The following MPPED2 variants were observed in gnomAD, a reference collection of about 807,000 sequenced individuals.
MPPED2 encodes metallophosphoesterase domain containing 2.
MPPED2 carries 5 observed loss-of-function variants against 33.0 expected under a neutral mutation model. The ratio of observed to expected loss-of-function variants is 0.15; its 90% CI spans 0.08 to 0.32. MPPED2 has a LOEUF of 0.32. Ranked by LOEUF, MPPED2 falls within the 10% of genes least tolerant of loss-of-function variation. The pLI is 1.00. For missense variants in MPPED2, 275 were observed against 372.1 expected (o/e 0.74, Z 2.15); for synonymous variants, 136 against 141.9 (o/e 0.96, Z 0.29).
intron 4 of MPPED2, among the ~76,000 whole-genome samples, chr11:30,454,439 T>A (rs937580874): frequency 1.3e-5 from 2 of 151,924 alleles, no homozygotes; most frequent in Non-Finnish European, 2.9e-5. Flanking sequence ...TTTGTATGTG[T>A]GGGGGTGGAA....
At chr11:30,511,434 G>C (rs1207812761) in intron 3 of MPPED2, among the ~76,000 whole-genome samples, 1 of 152,202 alleles carries the variant, frequency 6.6e-6, no homozygotes, top group Non-Finnish European at 1.5e-5. Flanking sequence ...CTATGAAAGA[G>C]AGTAACAGAG....
chr11:30,488,463 C>G (rs575205137), intron 4 of MPPED2, among the ~76,000 whole-genome samples: 1 of 152,144 alleles, frequency 6.6e-6, no homozygotes, highest in Non-Finnish European at 1.5e-5. Flanking sequence ...GATAAAGGCA[C>G]CCGGCAGGCT....
intron 4 of MPPED2, among the ~76,000 whole-genome samples, chr11:30,471,112 C>T (rs891478139): frequency 8.5e-5 from 13 of 152,130 alleles, no homozygotes; most frequent in Middle Eastern, 3.2e-3. Context: ...TTCTCCCTTG[C>T]CCTCAGCCCA....
chr11:30,582,238 G>A (rs543427205), intron 1 of MPPED2, among the ~76,000 whole-genome samples: 1 of 152,086 alleles, frequency 6.6e-6, no homozygotes, highest in East Asian at 1.9e-4. Context: ...CTGCATAATT[G>A]CGTCGCGCTG....
chr11:30,567,869 C>T (rs1242000161), intron 2 of MPPED2, among the ~76,000 whole-genome samples: 3 of 152,194 alleles, frequency 2.0e-5, no homozygotes, highest in Non-Finnish European at 4.4e-5. Context: ...TAAGTCTCTG[C>T]CCCTGGCTAC....
chr11:30,583,134 CTTTTTTTTTTTTT>C (rs199611856), intron 1 of MPPED2, among the ~76,000 whole-genome samples: 31 of 96,682 alleles, frequency 3.2e-4, no homozygotes, highest in South Asian at 1.4e-3. Flanking sequence ...AAGACTTTTT[CTTTTTTTTTTTTT>C]TTTTTTTTTT....
At chr11:30,409,011 G>C (rs1948032738), downstream of MPPED2, among the ~76,000 whole-genome samples, 1 of 152,200 alleles carries the variant, frequency 6.6e-6, no homozygotes. Flanking sequence ...ATCCACAAAT[G>C]AGTCTGCCTT....
chr11:30,483,792 G>A (rs2134137733), intron 4 of MPPED2, among the ~76,000 whole-genome samples: 1 of 152,104 alleles, frequency 6.6e-6, no homozygotes, highest in Admixed American at 6.6e-5. Flanking sequence ...CATGGCTCAT[G>A]AAGCCTTGTG....
chr11:30,534,929 G>A (rs184992762), intron 3 of MPPED2, among the ~76,000 whole-genome samples: 132 of 152,116 alleles, frequency 8.7e-4, no homozygotes, highest in African/African-American at 3.0e-3. Context: ...ATGCAAAAAC[G>A]TTTTAAGTCT....
chr11:30,577,793 AAACATTCAAAATGTCAAGAACTGACAG>A (rs1956993750), intron 2 of MPPED2, among the ~76,000 whole-genome samples: 1 of 152,178 alleles, frequency 6.6e-6, no homozygotes, highest in African/African-American at 2.4e-5. Context: ...ACCATCATGA[AAACATTCAAAATGTCAAGAACTGACAG>A]AAAAATTCCA....
chr11:30,433,203 A>C (rs1949161425), intron 4 of MPPED2, among the ~76,000 whole-genome samples: 1 of 152,222 alleles, frequency 6.6e-6, no homozygotes, highest in African/African-American at 2.4e-5. Context: ...AATAAGTTTG[A>C]GAAATGTTCC....
chr11:30,454,573 C>T (rs916863072), intron 4 of MPPED2, among the ~76,000 whole-genome samples: 1 of 151,852 alleles, frequency 6.6e-6, no homozygotes, highest in Non-Finnish European at 1.5e-5. Context: ...AAAAAAGTTG[C>T]CTGAAATTTG....
intron 3 of MPPED2, among the ~76,000 whole-genome samples, chr11:30,525,613 C>G (rs1390412659): frequency 3.3e-5 from 5 of 152,152 alleles, no homozygotes; most frequent in African/African-American, 1.2e-4. Context: ...GGCTGGAACA[C>G]AGAGTCAACT....
At chr11:30,416,222 A>C (rs1464364786) in intron 5 of MPPED2, among the ~76,000 whole-genome samples, 1 of 152,256 alleles carries the variant, frequency 6.6e-6, no homozygotes, top group Non-Finnish European at 1.5e-5. Flanking sequence ...GATCCTGTGC[A>C]AATCTATATA....
At chr11:30,501,658 G>A in intron 3 of MPPED2, 1 of 967,136 alleles carries the variant, frequency 1.0e-6, no homozygotes, top group Non-Finnish European at 1.2e-6. Context: ...GACTACTCAT[G>A]CAGAATATCC....
chr11:30,415,862 G>C (rs1948327923), intron 5 of MPPED2, among the ~76,000 whole-genome samples: 1 of 152,162 alleles, frequency 6.6e-6, no homozygotes, highest in African/African-American at 2.4e-5. Context: ...TAATACTCGA[G>C]TCATGTAAAT....
chr11:30,449,780 C>T (rs183063225), intron 4 of MPPED2, among the ~76,000 whole-genome samples: 10 of 152,242 alleles, frequency 6.6e-5, no homozygotes, highest in African/African-American at 2.2e-4. Flanking sequence ...GAGAGATACC[C>T]TATCATGAGA....
chr11:30,392,064 C>G (rs905530826), intron 6 of MPPED2, among the ~76,000 whole-genome samples: 1 of 152,184 alleles, frequency 6.6e-6, no homozygotes, highest in African/African-American at 2.4e-5. Context: ...ATGTAAAGCA[C>G]CTGGTGTATG....
intron 4 of MPPED2, among the ~76,000 whole-genome samples, chr11:30,461,246 C>T (rs573949761): frequency 6.6e-6 from 1 of 152,150 alleles, no homozygotes; most frequent in South Asian, 2.1e-4. Flanking sequence ...TTAATGGATA[C>T]CGAGTTTCAG....
Sources: allele counts gnomAD v4.1 joint callset (sites outside exome capture counted in the v4.1 genomes callset), GRCh38; gene constraint gnomAD v4.1.1; transcripts MANE v1.5; gene names NCBI Gene and HGNC (gene_info 2026-07-23, HGNC 2026-07-21).